The following RYR2 variants were observed in gnomAD, a reference collection of about 807,000 sequenced individuals.
RYR2 encodes cardiac muscle ryanodine receptor-calcium release channel.
Under a neutral mutation model 601.1 loss-of-function variants are expected in RYR2, and 227 were observed. That is an observed-to-expected ratio of 0.38 (90% CI 0.34 to 0.42). The LOEUF (loss-of-function observed/expected upper bound fraction) is 0.42. RYR2 is among the 10% of genes least tolerant of loss of function. The pLI is 1.00. For synonymous variants in RYR2, 2,223 were observed against 2,175.1 expected (o/e 1.02, Z -0.61); for missense variants, 4,646 against 6,156.5 (o/e 0.75, Z 8.21).
chr1:237,271,355 T>C (rs1241722051), intron 2 of RYR2, among the ~76,000 whole-genome samples: 1 of 152,216 alleles, frequency 6.6e-6, no homozygotes, highest in African/African-American at 2.4e-5. Flanking sequence ...AAGAGAATGG[T>C]TCATAATATC....
intron 29 of RYR2, among the ~76,000 whole-genome samples, chr1:237,588,953 C>G (rs981302): frequency 0.51 from 77,976 of 151,896 alleles, 20,355 homozygotes; most frequent in South Asian, 0.66. Flanking sequence ...CAATCAATTC[C>G]AAAGAGCTCA....
At chr1:237,630,493 A>G (rs565532259) in intron 41 of RYR2, among the ~76,000 whole-genome samples, 1 of 152,318 alleles carries the variant, frequency 6.6e-6, no homozygotes, top group Non-Finnish European at 1.5e-5. Flanking sequence ...CTTTCTTGAT[A>G]TAGCCAGAGT....
chr1:237,717,487 C>A, intron 72 of RYR2, 119 bp downstream of exon 72: 2 of 883,342 alleles, frequency 2.3e-6, no homozygotes, highest in Non-Finnish European at 3.2e-6. Flanking sequence ...TTTTATTAAG[C>A]AGGTTTTCTA....
rs60493059 is a variant in RYR2, at chr1:237,381,251, C to CAAAAA, written c.576+3837_576+3841dup. On this transcript the variant is annotated intron_variant, in intron 8 of 104. Transcript: ENST00000366574. ...TAGGTGACAGAACGAGACTCCGTCT[C>CAAAAA]AAAAAAAAAAAAAAAAAAAAAAAAA... is the stretch of plus-strand genomic sequence containing the variant. Among the ~76,000 whole-genome samples the CAAAAA allele has an allele frequency of 2.3e-3, 107 of 45,588 alleles. 1 individual carries two copies. Among genetic ancestry groups the CAAAAA allele is most frequent in the Middle Eastern group, 0.021 (1 of 48 alleles). The allele number at this position is 45,588 out of a possible 152,430, so 29.9% of individuals were successfully genotyped here.
intron 56 of RYR2, among the ~76,000 whole-genome samples, chr1:237,661,357 G>A (rs886393211): frequency 2.6e-5 from 4 of 152,062 alleles, no homozygotes; most frequent in Non-Finnish European, 4.4e-5. Flanking sequence ...GGAGTGGGGG[G>A]CTAGGGGAGG....
intron 84 of RYR2, among the ~76,000 whole-genome samples, chr1:237,766,759 T>G (rs1693879008): frequency 6.6e-6 from 1 of 152,198 alleles, no homozygotes. Context: ...CCAGCTAGTT[T>G]AATTTGTTTA....
chr1:237,565,139 C>T (rs199852415), intron 27 of RYR2, among the ~76,000 whole-genome samples: 1,866 of 51,726 alleles, frequency 0.036, 402 homozygotes, highest in South Asian at 0.1. Flanking sequence ...TTCTTTCTTT[C>T]TTTTTCTTTC....
chr1:237,415,922 G>A (rs1310272579), intron 10 of RYR2, among the ~76,000 whole-genome samples: 1 of 152,146 alleles, frequency 6.6e-6, no homozygotes, highest in Non-Finnish European at 1.5e-5. Context: ...TCCCTATGTT[G>A]ATCATTGTTG....
intron 34 of RYR2, 22 bp downstream of exon 34, chr1:237,595,679 C>A: frequency 6.3e-7 from 1 of 1,588,608 alleles, no homozygotes; most frequent in Non-Finnish European, 8.5e-7. Flanking sequence ...GTGATGATAT[C>A]AGTCTTCTAG....
At chr1:237,781,053 C>CTT (rs34168790) in intron 88 of RYR2, among the ~76,000 whole-genome samples, 1 of 148,796 alleles carries the variant, frequency 6.7e-6, no homozygotes. Flanking sequence ...GGTACAAATA[C>CTT]TTTTTTTTTT....
intron 80 of RYR2, among the ~76,000 whole-genome samples, chr1:237,755,620 T>C (rs1412502327): frequency 1.3e-5 from 2 of 152,192 alleles, no homozygotes; most frequent in Admixed American, 1.3e-4. Flanking sequence ...ATGTTTTCAG[T>C]GGTAGCTTAA....
At chr1:237,261,540 C>A (rs1409458216) in intron 1 of RYR2, among the ~76,000 whole-genome samples, 1 of 152,230 alleles carries the variant, frequency 6.6e-6, no homozygotes, top group Non-Finnish European at 1.5e-5. Context: ...CTGGTGCTCA[C>A]TCCACCGGGA....
chr1:237,503,218 A>C, intron 21 of RYR2, 71 bp from the exon 22 acceptor site: 1 of 1,387,094 alleles, frequency 7.2e-7, no homozygotes, highest in Non-Finnish European at 9.9e-7. Context: ...ATTTTTCCCT[A>C]AGATTTTGTG....
Position 237,383,417 on chromosome 1 carries a change from G to GTTTTTTTTT in RYR2, c.577-3842_577-3834dup, listed in dbSNP as rs10567644. On this transcript the variant is annotated intron_variant, in intron 8 of 104. Coordinates refer to ENST00000366574, the MANE Select transcript of RYR2 (RefSeq NM_001035.3). ...TTTACATTTTCTTTTCTTTTTTCTT[G>GTTTTTTTTT]TTTTTTTTTTTTTTTTTTTTTTTTT... Among the ~76,000 whole-genome samples, 47 of 50,588 alleles carry GTTTTTTTTT rather than the reference G, an allele frequency of 9.3e-4. 6 individuals carry two copies. The highest frequency in any genetic ancestry group is 1.3e-3 in the Non-Finnish European group (34 of 26,520). 33.2% of individuals were successfully genotyped at this position (50,588 alleles called of 152,430 possible). A position where few individuals can be genotyped will look rare whatever the true frequency, so the allele number is the denominator to read the frequency against.
rs1694129222 is a variant in RYR2, at chr1:237,308,489, T to C, written c.169-22389T>C. 2.6e-5 allele frequency among the ~76,000 whole-genome samples: 4 copies of C among 152,222 alleles called. No individual in the cohort carries two copies. The South Asian group carries it at 8.3e-4, about 32-fold the overall frequency. ...CCTCCCTTGGATCTGGATTTGTGTC[T>C]GGAATTGGTGGGTTCTTGGTCTCAA... is the stretch of plus-strand genomic sequence containing the variant. On this transcript the variant is annotated intron_variant, in intron 2 of 104. Coordinates refer to ENST00000366574, the MANE Select transcript of RYR2 (RefSeq NM_001035.3).
Position 237,100,841 on chromosome 1 carries a change from C to A in RYR2, c.48+58272C>A, listed in dbSNP as rs898039137. ...AGGGGTCCTTCTGAAGTTATCCCGG[C>A]CCCTGGGAAACTCACGTGGCATGGG... is the stretch of plus-strand genomic sequence containing the variant. On this transcript the variant is annotated intron_variant, in intron 1 of 104. Transcript: ENST00000366574. 2.0e-5 allele frequency among the ~76,000 whole-genome samples: 3 copies of A among 152,170 alleles called. No homozygotes were observed. The East Asian group carries it at 5.8e-4, about 29-fold the overall frequency.
intron 38 of RYR2, among the ~76,000 whole-genome samples, chr1:237,618,966 C>T (rs1678789107): frequency 6.6e-6 from 1 of 152,060 alleles, no homozygotes; most frequent in African/African-American, 2.4e-5. Flanking sequence ...TAACAGGGTC[C>T]CTTCCCTCCT....
chr1:237,297,238 T>C (rs1421382108), intron 2 of RYR2, among the ~76,000 whole-genome samples: 1 of 152,158 alleles, frequency 6.6e-6, no homozygotes, highest in Admixed American at 6.6e-5. Context: ...AAGATTGATT[T>C]ATGAAGAAAA....
In RYR2 at chr1:237,661,032, G is replaced by A. The variant is rs471647; in HGVS notation, c.8436+85G>A. 1 allele frequency: 1,200,478 copies of A among 1,201,040 alleles called. 599,961 individuals are homozygous for A. Among genetic ancestry groups the A allele is most frequent in the East Asian group, 1 (31,874 of 31,874 alleles). 74.4% of individuals were successfully genotyped at this position (1,201,040 alleles called of 1,614,324 possible). A position where few individuals can be genotyped will look rare whatever the true frequency, so the allele number is the denominator to read the frequency against. ...AATTTAATTATTGAGTTTTTCTAAA[G>A]AATAATCTGAAAATTCTGAAGAGTC... On this transcript the variant is annotated intron_variant, in intron 56 of 104. Coordinates refer to ENST00000366574, the MANE Select transcript of RYR2 (RefSeq NM_001035.3).
Sources: gnomAD v4.1 joint callset for allele counts (sites outside exome capture counted in the v4.1 genomes callset) on GRCh38, gnomAD v4.1.1 for gene constraint, MANE v1.5 for transcripts, NCBI Gene and HGNC (gene_info 2026-07-23, HGNC 2026-07-21) for gene names.